The following IQCE variants were observed in gnomAD, a reference collection of about 807,000 sequenced individuals.
IQCE encodes IQ motif containing E, also known as IQ domain-containing protein E.
In IQCE, 115 loss-of-function variants were observed where a neutral mutation model predicts 96.0. That is an observed-to-expected ratio of 1.20 (90% CI 1.03 to 1.40). IQCE has a LOEUF of 1.40. Ranked by LOEUF, IQCE falls within the 40% of genes most tolerant of loss-of-function variation. The probability of loss-of-function intolerance (pLI) is 0.00; values close to 1 mark genes in which losing one functional copy is unlikely to be tolerated. For synonymous variants in IQCE, 412 were observed against 371.2 expected (o/e 1.11, Z -1.26); for missense variants, 1,041 against 909.1 (o/e 1.15, Z -1.87).
intron 8 of IQCE, 92 bp downstream of exon 8, chr7:2,578,618 C>T (rs1271245295): frequency 5.1e-6 from 7 of 1,380,562 alleles, no homozygotes; most frequent in African/African-American, 1.4e-5. Flanking sequence ...AGCACCCACG[C>T]GTGAAGAGCA....
chr7:2,606,116 T>G (rs1784805168), intron 20 of IQCE, 119 bp downstream of exon 20: 1 of 1,261,364 alleles, frequency 7.9e-7, no homozygotes, highest in African/African-American at 1.5e-5. Context: ...GCCTGCCGCC[T>G]GCCAGCGGGA....
chr7:2,602,035 CAG>C (rs1285417102), intron 18 of IQCE: 1 of 157,252 alleles, frequency 6.4e-6, no homozygotes, highest in Non-Finnish European at 1.4e-5. Flanking sequence ...GGGGCAGTCT[CAG>C]AGGCCCTGGG....
In IQCE at chr7:2,578,480, C is replaced by A. The variant is rs992679794; in HGVS notation, c.584C>A (p.Thr195Lys). 2 of 1,614,154 alleles carry A rather than the reference C, an allele frequency of 1.2e-6. No homozygotes were observed. Among genetic ancestry groups the A allele is most frequent in the Non-Finnish European group, 1.7e-6 (2 of 1,180,002 alleles). ...GTCTCAATCTGCTTACCACAGGGCA[C>A]GGATTTTGTTCGGACTCTGGCAGAG... is the stretch of plus-strand genomic sequence containing the variant. ...IEQLLDPSRG[T>K]DFVRTLAEKR... The change falls in exon 8 of 22, where the codon ACG becomes AAG. Residue 195 changes from threonine (T) to lysine (K), a missense_variant. By Grantham distance (78) the Thr-to-Lys change is moderately conservative (BLOSUM62 -1). Transcript: ENST00000402050.
At chr7:2,585,192 C>G (rs188394516) in intron 11 of IQCE, among the ~76,000 whole-genome samples, 2 of 152,214 alleles carry the variant, frequency 1.3e-5, no homozygotes, top group African/African-American at 2.4e-5. Flanking sequence ...CACATGCCAC[C>G]ACACCCAGAT....
At chr7:2,582,927 G>A (rs757175149) in intron 9 of IQCE, among the ~76,000 whole-genome samples, 2 of 152,120 alleles carry the variant, frequency 1.3e-5, no homozygotes, top group Non-Finnish European at 2.9e-5. Context: ...TAACGCCTCA[G>A]TCCTGCGCCG....
At chr7:2,570,523 C>T (rs1051222762) in intron 3 of IQCE, among the ~76,000 whole-genome samples, 1 of 151,904 alleles carries the variant, frequency 6.6e-6, no homozygotes, top group Non-Finnish European at 1.5e-5. Flanking sequence ...TCTTTATTCC[C>T]TCATTCACAG....
intron 16 of IQCE, chr7:2,597,167 G>A: frequency 2.1e-6 from 1 of 465,420 alleles, no homozygotes; most frequent in South Asian, 1.6e-5. Context: ...CCGGCGGGCT[G>A]GAAGCTTGAA....
At chr7:2,578,550 G>C (rs758151482) in intron 8 of IQCE, 24 bp downstream of exon 8, 1 of 1,613,578 alleles carries the variant, frequency 6.2e-7, no homozygotes, top group South Asian at 1.1e-5. Flanking sequence ...GTGCAGGACA[G>C]AGCCTTTCCC....
intron 18 of IQCE, among the ~76,000 whole-genome samples, chr7:2,604,299 C>A (rs149608480): frequency 3.3e-5 from 5 of 152,054 alleles, no homozygotes; most frequent in Non-Finnish European, 7.4e-5. Flanking sequence ...TCTGTAGAGA[C>A]GAGGTCTTGC....
In IQCE at chr7:2,586,340, G is replaced by C. The variant is rs1783110174; in HGVS notation, c.957G>C (p.Leu319=). Residue 319 remains leucine (L), a synonymous_variant, in exon 12 of 22, where the codon CTG becomes CTC. Coordinates refer to ENST00000402050, the MANE Select transcript of IQCE (RefSeq NM_152558.5). ...TGAAGGAGGACCTGGACCGCGTGCT[G>C]AGCACCTCCCCAACCATCTCCAAGA... ...QSLKEDLDRV[L]STSPTISKTQ... is the part of the protein sequence containing the mutation. The C allele has an allele frequency of 6.2e-7, 1 of 1,613,404 alleles. No homozygotes were observed. Among genetic ancestry groups the C allele is most frequent in the African/African-American group, 1.3e-5 (1 of 74,914 alleles).
Position 2,578,327 on chromosome 7 carries a change from A to G in IQCE, c.551A>G (p.Gln184Arg). 6.2e-7 allele frequency: 1 copy of G among 1,614,128 alleles called. No homozygotes were observed. Among genetic ancestry groups the G allele is most frequent in the South Asian group, 1.1e-5 (1 of 91,088 alleles). ...GAGGAAAACAGCAGGAAGGACCGGC[A>G]GATAGAGCAGCTCCTGGATCCCAGC... ...LEEENSRKDR[Q>R]IEQLLDPSRG... The change falls in exon 7 of 22, where the codon CAG (glutamine) becomes CGG (arginine). Residue 184 changes from glutamine (Q) to arginine (R), a missense_variant. Gln to Arg is a conservative substitution (Grantham distance 43, BLOSUM62 1). Transcript: ENST00000402050.
chr7:2,578,733 A>G (rs1314636656), intron 8 of IQCE, among the ~76,000 whole-genome samples: 1 of 152,152 alleles, frequency 6.6e-6, no homozygotes, highest in African/African-American at 2.4e-5. Flanking sequence ...CAAGCAAGAC[A>G]CTGTAGGAAA....
intron 19 of IQCE, among the ~76,000 whole-genome samples, 186 bp from the exon 20 acceptor site, chr7:2,605,690 T>G (rs1049879892): frequency 2.2e-4 from 34 of 151,710 alleles, no homozygotes; most frequent in Middle Eastern, 3.4e-3. Flanking sequence ...CCCTACAGTT[T>G]AAAAATTCAG....
intron 21 of IQCE, 69 bp downstream of exon 21, chr7:2,607,296 C>A: frequency 1.2e-6 from 2 of 1,603,980 alleles, no homozygotes; most frequent in South Asian, 1.1e-5. Context: ...AAAGAGTGGC[C>A]ACCTCCAGGA....
intron 9 of IQCE, 112 bp from the exon 10 acceptor site, chr7:2,583,525 T>G (rs114090268): frequency 3.3e-6 from 2 of 613,292 alleles, no homozygotes; most frequent in South Asian, 4.1e-5. Flanking sequence ...CCTCCCATCC[T>G]GGGTCTTTTC....
intron 14 of IQCE, among the ~76,000 whole-genome samples, chr7:2,592,774 G>T (rs1361037163): frequency 6.6e-6 from 1 of 152,234 alleles, no homozygotes; most frequent in Non-Finnish European, 1.5e-5. Flanking sequence ...TGGCCTGATG[G>T]CAGGGCCTTC....
intron 6 of IQCE, among the ~76,000 whole-genome samples, chr7:2,577,060 C>T (rs1367170979): frequency 1.3e-5 from 2 of 152,196 alleles, no homozygotes; most frequent in Admixed American, 1.3e-4. Flanking sequence ...CGTCCCCACC[C>T]ACTAAATGCC....
chr7:2,572,707 TG>T (rs775850622), intron 5 of IQCE: 6 of 462,944 alleles, frequency 1.3e-5, no homozygotes, highest in South Asian at 9.3e-5. Flanking sequence ...TTTATGTTCC[TG>T]CCTAGTCTCT....
In IQCE at chr7:2,610,487, C is replaced by T. The variant is rs1000528476; in HGVS notation, c.*325C>T. ...TGACACGTTCTCTGACAGCACCTTG[C>T]CGCCTGCCCACGACCTTGACCGTGA... On this transcript the variant is annotated 3_prime_UTR_variant, in exon 22 of 22. Coordinates refer to ENST00000402050, the MANE Select transcript of IQCE (RefSeq NM_152558.5). The T allele has an allele frequency of 2.0e-5, 5 of 248,814 alleles. No homozygotes were observed. Among genetic ancestry groups the T allele is most frequent in the Non-Finnish European group, 3.9e-5 (5 of 126,726 alleles). The allele number at this position is 248,814 out of a possible 1,614,324, so 15.4% of individuals were successfully genotyped here. A position where few individuals can be genotyped will look rare whatever the true frequency, so the allele number is the denominator to read the frequency against.
Sources: allele counts gnomAD v4.1 joint callset (sites outside exome capture counted in the v4.1 genomes callset), GRCh38; gene constraint gnomAD v4.1.1; transcripts MANE v1.5; gene names NCBI Gene and HGNC (gene_info 2026-07-23, HGNC 2026-07-21).